Variants in NRG3 observed in about 807,000 individuals in gnomAD.
NRG3 encodes the protein neuregulin 3.
A neutral mutation model predicts 66.9 loss-of-function variants in NRG3; 31 were observed. That is an observed-to-expected ratio of 0.46 (90% CI 0.35 to 0.63). The LOEUF is 0.63. Among genes scored for constraint, NRG3 ranks in the 20% least tolerant of loss-of-function variants. NRG3 has a pLI of 0.00. For missense variants in NRG3, 910 were observed against 878.9 expected, an observed-to-expected ratio of 1.04 and a Z score of -0.45; for synonymous variants, 393 against 359.4, an observed-to-expected ratio of 1.09 and a Z score of -1.06.
chr10:82,542,554 A>G (rs2043615361), intron 2 of NRG3, among the ~76,000 whole-genome samples: 1 of 152,252 alleles, frequency 6.6e-6, no homozygotes, highest in Non-Finnish European at 1.5e-5. Flanking sequence ...CACAAATAAT[A>G]AAGAAGTGAC....
chr10:82,083,416 C>T (rs2065512182), intron 1 of NRG3, among the ~76,000 whole-genome samples: 1 of 152,056 alleles, frequency 6.6e-6, no homozygotes, highest in Non-Finnish European at 1.5e-5. Context: ...GAGCTTACAG[C>T]ATTCCTTGAA....
chr10:82,522,560 A>G (rs1846297230), intron 2 of NRG3, among the ~76,000 whole-genome samples: 1 of 152,204 alleles, frequency 6.6e-6, no homozygotes, highest in Non-Finnish European at 1.5e-5. Flanking sequence ...AAAAGGTGAC[A>G]TGGAAAAAGG....
At chr10:82,519,189 G>C in intron 2 of NRG3, among the ~76,000 whole-genome samples, 1 of 152,194 alleles carries the variant, frequency 6.6e-6, no homozygotes, top group Non-Finnish European at 1.5e-5. Flanking sequence ...CATGCTCCTT[G>C]ATTGTCCGGA....
intron 2 of NRG3, among the ~76,000 whole-genome samples, chr10:82,663,154 G>A (rs2052498095): frequency 6.6e-6 from 1 of 152,190 alleles, no homozygotes; most frequent in Non-Finnish European, 1.5e-5. Context: ...ATTGAAAACT[G>A]AGTCTCAAAG....
chr10:81,994,626 C>T (rs1230593432), intron 1 of NRG3, among the ~76,000 whole-genome samples: 2 of 151,888 alleles, frequency 1.3e-5, no homozygotes, highest in African/African-American at 4.8e-5. Context: ...TCTATTGCTC[C>T]TATACATTGT....
At chr10:82,527,253 T>C (rs958213002) in intron 2 of NRG3, among the ~76,000 whole-genome samples, 2 of 152,070 alleles carry the variant, frequency 1.3e-5, no homozygotes, top group African/African-American at 2.4e-5. Flanking sequence ...CATCAAATCT[T>C]GAGTAAATCA....
At chr10:82,042,601 C>T (rs1479596577) in intron 1 of NRG3, among the ~76,000 whole-genome samples, 3 of 152,012 alleles carry the variant, frequency 2.0e-5, no homozygotes. Flanking sequence ...CAGTTATAAA[C>T]ACATAATACA....
chr10:81,947,576 G>T (rs527917857), intron 1 of NRG3, among the ~76,000 whole-genome samples: 1 of 151,582 alleles, frequency 6.6e-6, no homozygotes, highest in Non-Finnish European at 1.5e-5. Flanking sequence ...TATAACCTTT[G>T]TGCTATCTAA....
At chr10:82,466,016 G>C (rs996991485) in intron 2 of NRG3, among the ~76,000 whole-genome samples, 1 of 152,168 alleles carries the variant, frequency 6.6e-6, no homozygotes, top group Non-Finnish European at 1.5e-5. Flanking sequence ...ACTCATGCCT[G>C]TTTAGATTGA....
chr10:82,386,612 ATGAT>A (rs537631982), intron 2 of NRG3, among the ~76,000 whole-genome samples: 266 of 152,298 alleles, frequency 1.7e-3, no homozygotes, highest in African/African-American at 6.1e-3. Context: ...ATGAAAAAGT[ATGAT>A]TGACCCATAT....
At chr10:82,468,707 C>T (rs1162021344) in intron 2 of NRG3, among the ~76,000 whole-genome samples, 1 of 152,166 alleles carries the variant, frequency 6.6e-6, no homozygotes, top group Non-Finnish European at 1.5e-5. Context: ...GGAAATGCCT[C>T]ACTGAATATC....
intron 1 of NRG3, among the ~76,000 whole-genome samples, chr10:81,948,117 A>G (rs1321631209): frequency 6.6e-6 from 1 of 152,136 alleles, no homozygotes; most frequent in Non-Finnish European, 1.5e-5. Flanking sequence ...GGCATTACAT[A>G]TTCTTGTACT....
intron 1 of NRG3, among the ~76,000 whole-genome samples, chr10:81,998,748 C>G (rs973777897): frequency 4.6e-5 from 7 of 152,176 alleles, no homozygotes; most frequent in African/African-American, 1.7e-4. Context: ...AGAAATAAGT[C>G]TAGCCAAAAG....
rs188016440 is a variant in NRG3, at chr10:82,383,994, T to A, written c.953+25126T>A. 4.0e-3 allele frequency among the ~76,000 whole-genome samples: 609 copies of A among 152,122 alleles called. 10 individuals carry two copies. The highest frequency in any genetic ancestry group is 0.014 in the African/African-American group (590 of 41,562). ...CTATACTTAAATATTTTAAAAACAA[T>A]TTTACTGCATCACTAAACATTAATC... is the stretch of plus-strand genomic sequence containing the variant. On this transcript the variant is annotated intron_variant, in intron 2 of 8. Transcript: ENST00000372141.
At chr10:82,501,435 C>T (rs555533075) in intron 2 of NRG3, among the ~76,000 whole-genome samples, 1 of 152,252 alleles carries the variant, frequency 6.6e-6, no homozygotes, top group Non-Finnish European at 1.5e-5. Flanking sequence ...GGTCAAAAGT[C>T]AACATACTTT....
intron 1 of NRG3, among the ~76,000 whole-genome samples, chr10:82,188,218 A>G (rs955339163): frequency 2.6e-5 from 4 of 152,154 alleles, no homozygotes; most frequent in Admixed American, 6.5e-5. Flanking sequence ...TAGAAAAGAC[A>G]GTCACTTCAA....
At chr10:82,764,872 A>C (rs1337435685) in intron 3 of NRG3, among the ~76,000 whole-genome samples, 1 of 152,102 alleles carries the variant, frequency 6.6e-6, no homozygotes, top group East Asian at 1.9e-4. Flanking sequence ...GAAAGAGAGG[A>C]AAGAAAAGAG....
intron 3 of NRG3, among the ~76,000 whole-genome samples, chr10:82,741,531 C>T (rs1318867387): frequency 2.0e-5 from 3 of 152,118 alleles, no homozygotes; most frequent in East Asian, 3.9e-4. Context: ...TACTAATACG[C>T]GTTTAAATGA....
At chr10:82,387,425 T>C (rs1212943229) in intron 2 of NRG3, among the ~76,000 whole-genome samples, 1 of 152,222 alleles carries the variant, frequency 6.6e-6, no homozygotes, top group Admixed American at 6.5e-5. Flanking sequence ...GGCATTGTCT[T>C]AGGTGACGCA....
Sources: gnomAD v4.1 joint callset for allele counts (sites outside exome capture counted in the v4.1 genomes callset) on GRCh38, gnomAD v4.1.1 for gene constraint, MANE v1.5 for transcripts, NCBI Gene and HGNC (gene_info 2026-07-23, HGNC 2026-07-21) for gene names.